Variants in KCNH8 observed in about 807,000 individuals in gnomAD.
KCNH8 encodes the protein potassium voltage-gated channel subfamily H member 8, also known as voltage-gated delayed rectifier potassium channel KCNH8.
Under a neutral mutation model 103.6 loss-of-function variants are expected in KCNH8, and 70 were observed. That is an observed-to-expected ratio of 0.68 (90% CI 0.56 to 0.82). The LOEUF (loss-of-function observed/expected upper bound fraction) is 0.82. Ranked by LOEUF, KCNH8 falls within the 40% of genes least tolerant of loss-of-function variation. The pLI is 0.00. For missense variants in KCNH8, 1,217 were observed against 1,329.9 expected, an observed-to-expected ratio of 0.92 and a Z score of 1.32; for synonymous variants, 498 against 489.4, an observed-to-expected ratio of 1.02 and a Z score of -0.23.
chr3:19,254,929 T>A (rs1448886858), intron 2 of KCNH8, among the ~76,000 whole-genome samples: 2 of 152,164 alleles, frequency 1.3e-5, no homozygotes, highest in Non-Finnish European at 2.9e-5. Flanking sequence ...TTTATCTCCT[T>A]TCCCTTTCCC....
At chr3:19,328,559 G>T (rs2065462847) in intron 3 of KCNH8, among the ~76,000 whole-genome samples, 2 of 151,882 alleles carry the variant, frequency 1.3e-5, no homozygotes, top group Admixed American at 1.3e-4. Flanking sequence ...TTGCTTTTAG[G>T]GCCATTTTTT....
chr3:19,434,979 G>A (rs558769960), intron 7 of KCNH8, among the ~76,000 whole-genome samples: 1 of 152,054 alleles, frequency 6.6e-6, no homozygotes, highest in Non-Finnish European at 1.5e-5. Context: ...ATGAACTCTT[G>A]TATGGTTAAT....
chr3:19,432,084 G>A (rs1430312683), intron 7 of KCNH8, among the ~76,000 whole-genome samples: 1 of 151,846 alleles, frequency 6.6e-6, no homozygotes, highest in Non-Finnish European at 1.5e-5. Context: ...CAAAGCTAAG[G>A]TAAACAAAAC....
chr3:19,430,332 ATTC>A (rs1177246657), intron 7 of KCNH8, among the ~76,000 whole-genome samples: 2 of 151,972 alleles, frequency 1.3e-5, no homozygotes, highest in African/African-American at 2.4e-5. Flanking sequence ...CTGTGTGCCT[ATTC>A]TTGTACTAGT....
chr3:19,374,106 C>A (rs917611020), intron 5 of KCNH8, among the ~76,000 whole-genome samples: 1 of 151,432 alleles, frequency 6.6e-6, no homozygotes, highest in African/African-American at 2.4e-5. Context: ...GTGGAGAGTT[C>A]TGTAGATGTC....
chr3:19,461,577 C>A (rs1310390355), intron 11 of KCNH8, among the ~76,000 whole-genome samples: 1 of 152,130 alleles, frequency 6.6e-6, no homozygotes, highest in Non-Finnish European at 1.5e-5. Context: ...GGAGGAGGAA[C>A]ATTTGCAAAA....
chr3:19,203,129 CA>C (rs1406396264), intron 1 of KCNH8, among the ~76,000 whole-genome samples: 3 of 152,022 alleles, frequency 2.0e-5, no homozygotes, highest in Non-Finnish European at 2.9e-5. Context: ...TGGATCATTA[CA>C]AAAGGAGAAA....
chr3:19,515,465 A>G, intron 14 of KCNH8, 37 bp downstream of exon 14: 2 of 1,062,080 alleles, frequency 1.9e-6, no homozygotes, highest in South Asian at 3.8e-5. Context: ...AAGGTAAAAT[A>G]TTTCTTATTA....
At chr3:19,491,499 A>C (rs1393611847) in intron 11 of KCNH8, among the ~76,000 whole-genome samples, 1 of 152,184 alleles carries the variant, frequency 6.6e-6, no homozygotes. Flanking sequence ...GCTGTGAAAG[A>C]CATGATTTCA....
chr3:19,308,662 C>G (rs2065162320), intron 3 of KCNH8, among the ~76,000 whole-genome samples: 1 of 13,884 alleles, frequency 7.2e-5, no homozygotes, highest in East Asian at 9.9e-4. Context: ...CTCTCTCTCT[C>G]TCTCTCTCTC....
chr3:19,239,377 G>A (rs923913061), intron 1 of KCNH8, among the ~76,000 whole-genome samples: 3 of 152,060 alleles, frequency 2.0e-5, no homozygotes, highest in East Asian at 1.9e-4. Context: ...ATAATGGCCC[G>A]GATGGTGAGA....
At chr3:19,337,966 AT>A (rs1248841771) in intron 3 of KCNH8, among the ~76,000 whole-genome samples, 1 of 151,374 alleles carries the variant, frequency 6.6e-6, no homozygotes, top group African/African-American at 2.4e-5. Context: ...AGAAAAAAAA[AT>A]AAACACACAC....
At chr3:19,372,756 G>A (rs548967638) in intron 5 of KCNH8, among the ~76,000 whole-genome samples, 1 of 152,022 alleles carries the variant, frequency 6.6e-6, no homozygotes, top group Non-Finnish European at 1.5e-5. Flanking sequence ...GTTTGTCATA[G>A]ATAGCTCTTA....
chr3:19,362,914 A>C (rs1401265481), intron 5 of KCNH8, among the ~76,000 whole-genome samples: 1 of 152,118 alleles, frequency 6.6e-6, no homozygotes, highest in Non-Finnish European at 1.5e-5. Flanking sequence ...AGCCTCCCAA[A>C]GTGCCAGGAT....
rs539739178 is a variant in KCNH8, at chr3:19,508,265, G to A, written c.2041-2098G>A. Among the ~76,000 whole-genome samples, 9 of 152,136 alleles carry A rather than the reference G, an allele frequency of 5.9e-5. No individual in the cohort carries two copies. The South Asian group carries it at 6.2e-4, about 11-fold the overall frequency. On this transcript the variant is annotated intron_variant, in intron 11 of 15. Coordinates refer to ENST00000328405, the MANE Select transcript of KCNH8 (RefSeq NM_144633.3). ...GGCTTATTCTGCTTGACTCTTGACC[G>A]TCAGTACATTTGGTAAAAGATGAGA...
intron 3 of KCNH8, among the ~76,000 whole-genome samples, chr3:19,339,881 T>TA: frequency 6.6e-6 from 1 of 152,152 alleles, no homozygotes; most frequent in Non-Finnish European, 1.5e-5. Context: ...TAATACCTGT[T>TA]ACTCTATGTG....
At chr3:19,331,644 A>G (rs905249649) in intron 3 of KCNH8, among the ~76,000 whole-genome samples, 5 of 152,212 alleles carry the variant, frequency 3.3e-5, no homozygotes, top group African/African-American at 7.2e-5. Context: ...TATGGGATGC[A>G]TAAGATATTT....
At chr3:19,513,616 TTA>T (rs1388315364) in intron 13 of KCNH8, among the ~76,000 whole-genome samples, 2 of 152,184 alleles carry the variant, frequency 1.3e-5, no homozygotes, top group Non-Finnish European at 2.9e-5. Flanking sequence ...CCTTGTGATT[TTA>T]TGATTTATAG....
intron 1 of KCNH8, among the ~76,000 whole-genome samples, chr3:19,218,190 T>C (rs2063836132): frequency 6.6e-6 from 1 of 152,206 alleles, no homozygotes; most frequent in East Asian, 1.9e-4. Flanking sequence ...TTTTAGAATA[T>C]TTTAAAACTC....
Sources: allele counts gnomAD v4.1 joint callset (sites outside exome capture counted in the v4.1 genomes callset), GRCh38; gene constraint gnomAD v4.1.1; transcripts MANE v1.5; gene names NCBI Gene and HGNC (gene_info 2026-07-23, HGNC 2026-07-21).